Variants in CIP2A observed in about 807,000 individuals in gnomAD.
CIP2A encodes the protein protein CIP2A.
In CIP2A, 103 loss-of-function variants were observed where a neutral mutation model predicts 110.9. The ratio of observed to expected loss-of-function variants is 0.93; its 90% CI spans 0.79 to 1.09. CIP2A has a LOEUF of 1.09. Among genes scored for constraint, CIP2A ranks in the 50% least tolerant of loss-of-function variants. The pLI is 0.00. For synonymous variants in CIP2A, 381 were observed against 361.6 expected (o/e 1.05, Z -0.61); for missense variants, 1,088 against 1,038.4 (o/e 1.05, Z -0.66).
At position 108,580,113 on chromosome 3, in the gene CIP2A, C is replaced by T. The variant is rs561295716; in HGVS notation, c.550-425G>A. On this transcript the variant is annotated intron_variant, in intron 5 of 20. Coordinates refer to ENST00000295746, the MANE Select transcript of CIP2A (RefSeq NM_020890.3). Reference sequence around the variant, plus strand: ...TAGCATTTGTTAGCATTTGTGTTAACAAAAGAACTGTAATGAGGAACTCTC... The same window carrying T: ...TAGCATTTGTTAGCATTTGTGTTAATAAAAGAACTGTAATGAGGAACTCTC... Among the ~76,000 whole-genome samples, 95 of 152,152 alleles carry T rather than the reference C, an allele frequency of 6.2e-4. 1 individual carries two copies. The highest frequency in any genetic ancestry group is 2.2e-3 in the African/African-American group (92 of 41,514).
chr3:108,559,782 C>A lies in CIP2A; in HGVS notation c.1988G>T (p.Cys663Phe). ...CTCTGTTTCAGCTTGAGTTCTTTGA[C>A]AGCGATGCTGAGCAATCAGTCTATC... Reference protein sequence around the residue: ...QADRLIAQHRCQRTQAETEAR... With the variant: ...QADRLIAQHRFQRTQAETEAR... Residue 663 changes from cysteine to phenylalanine, a missense_variant, in exon 16 of 21, where the codon TGT becomes TTT. Cys to Phe is a radical substitution (Grantham distance 205). Transcript: ENST00000295746. The A allele has an allele frequency of 1.3e-6, 2 of 1,588,062 alleles. No homozygotes were observed. Among genetic ancestry groups the A allele is most frequent in the Non-Finnish European group, 1.7e-6 (2 of 1,161,002 alleles).
At chr3:108,569,677 G>C in intron 8 of CIP2A, 70 bp from the exon 9 acceptor site, 1 of 1,154,840 alleles carries the variant, frequency 8.7e-7, no homozygotes, top group South Asian at 1.4e-5. Context: ...AGTGTATGAT[G>C]AAGCTGAAAA....
chr3:108,588,080 T>G (rs534695219), intron 1 of CIP2A, among the ~76,000 whole-genome samples: 78 of 152,276 alleles, frequency 5.1e-4, no homozygotes, highest in Non-Finnish European at 8.2e-4. Context: ...GCCTTAAATC[T>G]CTTTCAGTGC....
rs1172956748 is a variant in CIP2A, at chr3:108,550,362, TATC to T, written c.*784_*786del. ...TATGCAGCAAGAGTAGAATCCAAAT[TATC>T]CTTATGTAAATCATAAGAAACTTAT... On this transcript the variant is annotated 3_prime_UTR_variant, in exon 21 of 21. Transcript: ENST00000295746. The T allele has an allele frequency of 6.6e-6, 1 of 151,478 alleles. No individual in the cohort carries two copies. Among genetic ancestry groups the T allele is most frequent in the Non-Finnish European group, 1.5e-5 (1 of 67,698 alleles). The allele number at this position is 151,478 out of a possible 1,614,324, so 9.4% of individuals were successfully genotyped here.
At position 108,560,823 on chromosome 3, in the gene CIP2A, T is replaced by C. The variant is rs777340483; in HGVS notation, c.1653A>G (p.Ala551=). 6.3e-7 allele frequency: 1 copy of C among 1,587,330 alleles called. No individual in the cohort carries two copies. Among genetic ancestry groups the C allele is most frequent in the Non-Finnish European group, 8.6e-7 (1 of 1,169,210 alleles). ...FPALVLGESI[A]ANNAYRQQET... The stretch of plus-strand genomic sequence containing the variant: ...CCTGTTGTCTATAGGCATTGTTTGC[T>C]GCTATACTTTCTCCAAGTCTGAATG... Residue 551 remains alanine (A), a synonymous_variant, in exon 14 of 21, where the codon GCA becomes GCG. Transcript: ENST00000295746.
At chr3:108,582,880 T>C in intron 3 of CIP2A, 97 bp downstream of exon 3, 1 of 532,066 alleles carries the variant, frequency 1.9e-6, no homozygotes. Flanking sequence ...ATTTATTATA[T>C]AGCATATATA....
chr3:108,572,134 A>G (rs1938420565), intron 8 of CIP2A, among the ~76,000 whole-genome samples: 1 of 151,980 alleles, frequency 6.6e-6, no homozygotes, highest in Admixed American at 6.6e-5. Flanking sequence ...ATCTATTCCC[A>G]TTCTTTGACT....
rs750449133 is a variant in CIP2A at position 108,582,073 on chromosome 3, A to C, written c.452+35T>G. 3 of 970,422 alleles carry C rather than the reference A, an allele frequency of 3.1e-6. No individual in the cohort carries two copies. In the South Asian group the frequency reaches 4.9e-5, roughly 16 times the overall value. The allele number at this position is 970,422 out of a possible 1,614,324, so 60.1% of individuals were successfully genotyped here. A position where few individuals can be genotyped will look rare whatever the true frequency, so the allele number is the denominator to read the frequency against. On this transcript the variant is annotated intron_variant, in intron 4 of 20. Transcript: ENST00000295746. The stretch of plus-strand genomic sequence containing the variant: ...GGTTGTAATTTAAAAATAAACAAAT[A>C]AACTATTTGGTTTTATGTTTGATTG...
chr3:108,562,422 C>T (rs773188766), intron 13 of CIP2A, among the ~76,000 whole-genome samples: 6 of 152,108 alleles, frequency 3.9e-5, no homozygotes, highest in South Asian at 4.1e-4. Context: ...TTGCTGATCC[C>T]GGTATACAGG....
intron 10 of CIP2A, among the ~76,000 whole-genome samples, chr3:108,567,589 A>G (rs1309821655): frequency 2.0e-5 from 3 of 151,938 alleles, no homozygotes; most frequent in Non-Finnish European, 4.4e-5. Context: ...TATAGAAGTT[A>G]AGCAGTGAAA....
At chr3:108,581,187 TA>T (rs1162911232) in intron 5 of CIP2A, among the ~76,000 whole-genome samples, 1 of 152,218 alleles carries the variant, frequency 6.6e-6, no homozygotes, top group African/African-American at 2.4e-5. Context: ...CTTTTAGAAA[TA>T]AGTGTTTGCA....
At chr3:108,559,396 T>C (rs1467031542) in intron 16 of CIP2A, among the ~76,000 whole-genome samples, 1 of 152,148 alleles carries the variant, frequency 6.6e-6, no homozygotes, top group Admixed American at 6.6e-5. Context: ...CATAGGCACA[T>C]AGTGCTCAGG....
intron 7 of CIP2A, 73 bp downstream of exon 7, chr3:108,579,208 C>T: frequency 1.8e-6 from 2 of 1,138,434 alleles, no homozygotes; most frequent in South Asian, 2.7e-5. Flanking sequence ...TTTAAGAAGA[C>T]AATTCTGTTT....
chr3:108,574,819 C>G (rs1938513494), intron 8 of CIP2A: 1 of 154,068 alleles, frequency 6.5e-6, no homozygotes, highest in African/African-American at 2.4e-5. Context: ...TCACAGTGGC[C>G]AAGTCATCAT....
rs528415988 is a variant in CIP2A at position 108,571,772 on chromosome 3, C to T, written c.895-2165G>A. Among the ~76,000 whole-genome samples the T allele has an allele frequency of 2.6e-5, 4 of 152,178 alleles. No homozygotes were observed. In the South Asian group the frequency reaches 8.3e-4, roughly 32 times the overall value. ...TGTAAACAATTCTTTGGGATAAATACCTATAAGTGAGATTTCTGGGTCGTA... is the reference window on the plus strand; with the variant it reads ...TGTAAACAATTCTTTGGGATAAATATCTATAAGTGAGATTTCTGGGTCGTA... On this transcript the variant is annotated intron_variant, in intron 8 of 20. Transcript: ENST00000295746.
chr3:108,566,449 C>T (rs562241330), intron 11 of CIP2A, 48 bp downstream of exon 11: 79 of 1,515,212 alleles, frequency 5.2e-5, no homozygotes, highest in South Asian at 8.6e-5. Context: ...CCACATCTTT[C>T]GATTTTTTAC....
rs922253114 is a variant in CIP2A at position 108,585,113 on chromosome 3, T to C, written c.202A>G (p.Ile68Val). The C allele has an allele frequency of 4.3e-6, 7 of 1,613,640 alleles. No individual in the cohort carries two copies. Among genetic ancestry groups the C allele is most frequent in the African/African-American group, 1.3e-5 (1 of 75,038 alleles). Residue 68 changes from isoleucine to valine, a missense_variant, in exon 2 of 21, where the codon ATA (isoleucine) becomes GTA (valine). Ile to Val is a conservative substitution (Grantham distance 29). Transcript: ENST00000295746. ...ATACTTAAGATCAGTGAAGCACTTATGTTGGGGTCTTCAAGTAGCTCTACA... is the reference window on the plus strand; with the variant it reads ...ATACTTAAGATCAGTGAAGCACTTACGTTGGGGTCTTCAAGTAGCTCTACA... ...CLVELLEDPN[I>V]SASLILSIIG...
chr3:108,560,443 G>A (rs1220414496), intron 14 of CIP2A, among the ~76,000 whole-genome samples: 6 of 152,116 alleles, frequency 3.9e-5, no homozygotes, highest in African/African-American at 1.4e-4. Context: ...AAAATGCTGG[G>A]ATTACAGGCG....
chr3:108,574,298 CAAT>C (rs1303638762), intron 8 of CIP2A, among the ~76,000 whole-genome samples: 5 of 151,984 alleles, frequency 3.3e-5, no homozygotes, highest in African/African-American at 1.2e-4. Context: ...AATTATAATG[CAAT>C]ACTACTGTAT....
Sources: allele counts gnomAD v4.1 joint callset (sites outside exome capture counted in the v4.1 genomes callset), GRCh38; gene constraint gnomAD v4.1.1; transcripts MANE v1.5; gene names NCBI Gene and HGNC (gene_info 2026-07-23, HGNC 2026-07-21).